The following VWA3B variants were observed in gnomAD, a reference collection of about 807,000 sequenced individuals.
The protein encoded by VWA3B is von Willebrand factor A domain containing 3B, also known as von Willebrand factor A domain-containing protein 3B.
Under a neutral mutation model 158.3 loss-of-function variants are expected in VWA3B, and 138 were observed. The observed-to-expected ratio is 0.87, with a 90% CI of 0.76 to 1.00. The LOEUF is 1.00. Ranked by LOEUF, VWA3B falls within the 50% of genes least tolerant of loss-of-function variation. The pLI, the probability that VWA3B is intolerant of heterozygous loss-of-function variation, is 0.00. For missense variants in VWA3B, 1,555 were observed against 1,565.1 expected (o/e 0.99, Z 0.11); for synonymous variants, 596 against 587.3 (o/e 1.01, Z -0.21).
At chr2:98,140,066 G>A (rs982541614) in intron 7 of VWA3B, among the ~76,000 whole-genome samples, 6 of 151,914 alleles carry the variant, frequency 3.9e-5, no homozygotes, top group South Asian at 2.1e-4. Flanking sequence ...GAAGGTCTGC[G>A]GCTTCACTCC....
chr2:98,122,596 T>G (rs1675052454), intron 5 of VWA3B, among the ~76,000 whole-genome samples: 1 of 152,220 alleles, frequency 6.6e-6, no homozygotes, highest in African/African-American at 2.4e-5. Context: ...CTGGACACCT[T>G]AATAAGCATT....
At chr2:98,131,859 T>C (rs1458740497) in intron 6 of VWA3B, among the ~76,000 whole-genome samples, 2 of 152,184 alleles carry the variant, frequency 1.3e-5, no homozygotes, top group Non-Finnish European at 2.9e-5. Context: ...GGAATTCTAA[T>C]TTTCAAGATC....
intron 13 of VWA3B, among the ~76,000 whole-genome samples, chr2:98,215,444 AAAAAAAC>A (rs574591684): frequency 0.01 from 1,543 of 151,646 alleles, 27 homozygotes; most frequent in African/African-American, 0.033. Flanking sequence ...CCATCTAAAA[AAAAAAAC>A]AAAAAACAAA....
chr2:98,179,777 TTC>T (rs201445834), intron 8 of VWA3B, among the ~76,000 whole-genome samples: 4,632 of 125,532 alleles, frequency 0.037, 105 homozygotes, highest in Non-Finnish European at 0.052. Flanking sequence ...CTCTCTTTCT[TTC>T]TCTTTCTTTT....
At chr2:98,311,213 T>G (rs1039447693) in intron 26 of VWA3B, among the ~76,000 whole-genome samples, 1 of 152,182 alleles carries the variant, frequency 6.6e-6, no homozygotes, top group African/African-American at 2.4e-5. Context: ...ATGGCTGGAA[T>G]GAGGTCATGG....
chr2:98,166,349 C>T lies in VWA3B; in HGVS notation c.1114+3373C>T, dbSNP rs560457086. ...GAGACTCTGTCTCAAAACAAACAAA[C>T]AAACAAACAACAAAATGGTAATTAA... On this transcript the variant is annotated intron_variant, in intron 8 of 27. Transcript: ENST00000477737. 2.0e-5 allele frequency among the ~76,000 whole-genome samples: 3 copies of T among 152,148 alleles called. No individual in the cohort carries two copies. The South Asian group carries it at 6.2e-4, about 32-fold the overall frequency.
At chr2:98,265,215 C>A (rs185528285) in intron 21 of VWA3B, among the ~76,000 whole-genome samples, 60 of 149,362 alleles carry the variant, frequency 4.0e-4, no homozygotes, top group African/African-American at 1.4e-3. Flanking sequence ...CACAACAGTC[C>A]CCAGAGTGCG....
At chr2:98,292,726 A>T (rs1393473426) in intron 23 of VWA3B, among the ~76,000 whole-genome samples, 2 of 152,158 alleles carry the variant, frequency 1.3e-5, no homozygotes, top group Non-Finnish European at 2.9e-5. Flanking sequence ...GCACTTTGGG[A>T]GGCCAAGGCA....
intron 7 of VWA3B, among the ~76,000 whole-genome samples, chr2:98,140,803 CA>C (rs1676723875): frequency 6.6e-6 from 1 of 152,190 alleles, no homozygotes; most frequent in Admixed American, 6.5e-5. Context: ...TCATCTTACC[CA>C]TAAGCAAAAT....
intron 22 of VWA3B, among the ~76,000 whole-genome samples, chr2:98,282,729 G>A (rs1054019711): frequency 3.9e-5 from 6 of 152,144 alleles, no homozygotes; most frequent in Non-Finnish European, 8.8e-5. Flanking sequence ...GTGAGTCACC[G>A]TTCACAGCCA....
chr2:98,117,008 A>G (rs112882918), intron 3 of VWA3B, among the ~76,000 whole-genome samples: 3 of 152,260 alleles, frequency 2.0e-5, no homozygotes, highest in African/African-American at 7.2e-5. Flanking sequence ...ATATCATCCA[A>G]TTCTTGGATT....
chr2:98,307,097 T>C (rs1022314710), intron 26 of VWA3B, among the ~76,000 whole-genome samples: 1 of 152,250 alleles, frequency 6.6e-6, no homozygotes, highest in African/African-American at 2.4e-5. Flanking sequence ...TACAAATGTG[T>C]TCCTTAGGGA....
chr2:98,194,436 G>A lies in VWA3B; in HGVS notation c.1681G>A (p.Ala561Thr), dbSNP rs1312715805. ...AGCAGTTGCTTGGCGGGAACAACTT[G>A]CTGAAGTCAATGAAGATAATTTGGA... is the stretch of plus-strand genomic sequence containing the variant. The part of the protein sequence containing the change: ...GQAVAWREQL[A>T]EVNEDNLEQA... The change falls in exon 12 of 28, where the codon GCT becomes ACT. Residue 561 changes from alanine (A) to threonine (T), a missense_variant. Coordinates refer to ENST00000477737, the MANE Select transcript of VWA3B (RefSeq NM_144992.5). The A allele has an allele frequency of 7.4e-6, 12 of 1,613,976 alleles. No individual in the cohort carries two copies. In the South Asian group the frequency reaches 1.3e-4, roughly 18 times the overall value.
chr2:98,321,308 G>T, the VWA3B span, among the ~76,000 whole-genome samples: 2 of 152,316 alleles, frequency 1.3e-5, no homozygotes, highest in African/African-American at 4.8e-5. Flanking sequence ...AAAATGTGGG[G>T]TCAGATCCCC....
At chr2:98,306,993 G>A (rs73961210) in intron 26 of VWA3B, among the ~76,000 whole-genome samples, 1,721 of 152,246 alleles carry the variant, frequency 0.011, 37 homozygotes, top group African/African-American at 0.039. Context: ...TAGCAGAACC[G>A]AGTACAAAAA....
intron 21 of VWA3B, among the ~76,000 whole-genome samples, chr2:98,259,174 T>G (rs1687333422): frequency 6.6e-6 from 1 of 151,770 alleles, no homozygotes; most frequent in Admixed American, 6.6e-5. Context: ...TTGCTAGTGT[T>G]TTATTAAGAA....
chr2:98,234,410 C>G (rs1010491440), intron 16 of VWA3B, among the ~76,000 whole-genome samples: 3 of 152,212 alleles, frequency 2.0e-5, no homozygotes, highest in Non-Finnish European at 2.9e-5. Flanking sequence ...GAGCTGGGTT[C>G]TGCCAGCAGC....
chr2:98,232,618 A>G (rs1685414785), intron 16 of VWA3B, among the ~76,000 whole-genome samples: 2 of 152,126 alleles, frequency 1.3e-5, no homozygotes, highest in Admixed American at 1.3e-4. Flanking sequence ...CATTTTGTCT[A>G]TTATGTTAGG....
intron 7 of VWA3B, among the ~76,000 whole-genome samples, chr2:98,150,390 C>T (rs935757261): frequency 1.3e-4 from 20 of 152,164 alleles, no homozygotes; most frequent in Admixed American, 5.2e-4. Flanking sequence ...TTACATTTTA[C>T]GTTTTTCTTA....
Sources: allele counts gnomAD v4.1 joint callset (sites outside exome capture counted in the v4.1 genomes callset), GRCh38; gene constraint gnomAD v4.1.1; transcripts MANE v1.5; gene names NCBI Gene and HGNC (gene_info 2026-07-23, HGNC 2026-07-21).